NELL1: variants seen among roughly 807,000 people sequenced by gnomAD.
The protein encoded by NELL1 is neural EGFL like 1.
Under a neutral mutation model 107.4 loss-of-function variants are expected in NELL1, and 76 were observed. The observed-to-expected ratio is 0.71, with a 90% CI of 0.59 to 0.86. The LOEUF (loss-of-function observed/expected upper bound fraction) is 0.86. Among genes scored for constraint, NELL1 ranks in the 40% least tolerant of loss-of-function variants. NELL1 has a pLI of 0.00. For missense variants in NELL1, 1,024 were observed against 1,005.5 expected (o/e 1.02, Z -0.25); for synonymous variants, 353 against 341.2 (o/e 1.03, Z -0.38).
intron 13 of NELL1, among the ~76,000 whole-genome samples, chr11:21,160,942 G>T (rs1311327508): frequency 6.7e-6 from 1 of 149,162 alleles, no homozygotes; most frequent in African/African-American, 2.5e-5. Flanking sequence ...ATTTAAACAT[G>T]TAGAGTTCTT....
At chr11:21,490,158 G>C (rs1373646712) in intron 15 of NELL1, among the ~76,000 whole-genome samples, 2 of 151,862 alleles carry the variant, frequency 1.3e-5, no homozygotes, top group East Asian at 3.9e-4. Context: ...TGAACTAGCA[G>C]AGGAAAAAAA....
At chr11:21,051,682 G>A (rs906676858) in intron 12 of NELL1, among the ~76,000 whole-genome samples, 5 of 152,062 alleles carry the variant, frequency 3.3e-5, no homozygotes, top group Non-Finnish European at 7.4e-5. Flanking sequence ...TAGGAGTGGT[G>A]GGGGATAAGG....
At chr11:20,703,069 G>C (rs562435653) in intron 2 of NELL1, among the ~76,000 whole-genome samples, 64 of 152,308 alleles carry the variant, frequency 4.2e-4, no homozygotes, top group African/African-American at 6.3e-4. Flanking sequence ...AATAGTTTCA[G>C]AAGGAATGGT....
chr11:21,440,758 A>G (rs1853262751), intron 15 of NELL1, among the ~76,000 whole-genome samples: 1 of 152,140 alleles, frequency 6.6e-6, no homozygotes, highest in African/African-American at 2.4e-5. Context: ...CACATAGTCA[A>G]GGAGAATGGG....
In NELL1 at chr11:21,533,168, A is replaced by C. The variant is rs76850401; in HGVS notation, c.1646-1206A>C. ...GAGTTGGAGTTGCACAGTATGAGGA[A>C]CTACACCTTTTCTCTCTTTACTTGG... On this transcript the variant is annotated intron_variant, in intron 15 of 19. Transcript: ENST00000357134. Among the ~76,000 whole-genome samples the C allele has an allele frequency of 6.4e-3, 977 of 152,174 alleles. 16 individuals are homozygous for C. Among genetic ancestry groups the C allele is most frequent in the African/African-American group, 0.022 (914 of 41,526 alleles).
intron 14 of NELL1, among the ~76,000 whole-genome samples, chr11:21,313,197 T>C (rs1849788507): frequency 6.6e-6 from 1 of 152,176 alleles, no homozygotes; most frequent in South Asian, 2.1e-4. Flanking sequence ...ATGAGAAAGA[T>C]AGAAGAGCTT....
At chr11:21,280,832 A>C (rs1848974800) in intron 14 of NELL1, among the ~76,000 whole-genome samples, 1 of 152,174 alleles carries the variant, frequency 6.6e-6, no homozygotes, top group African/African-American at 2.4e-5. Context: ...TTAAGTTAAT[A>C]ATAAACATTA....
At chr11:20,698,309 T>C (rs1416658720) in intron 2 of NELL1, among the ~76,000 whole-genome samples, 2 of 152,134 alleles carry the variant, frequency 1.3e-5, no homozygotes, top group African/African-American at 2.4e-5. Context: ...GTAGAGCAAA[T>C]AAACTGTGTT....
At chr11:21,257,698 G>T (rs963394993) in intron 14 of NELL1, among the ~76,000 whole-genome samples, 8 of 152,088 alleles carry the variant, frequency 5.3e-5, no homozygotes, top group Admixed American at 4.6e-4. Context: ...TCTTTGTCAA[G>T]AATGTTGCTT....
At chr11:20,960,347 A>C (rs1454721371) in intron 11 of NELL1, 85 bp from the exon 12 acceptor site, 16 of 1,350,496 alleles carry the variant, frequency 1.2e-5, no homozygotes, top group Non-Finnish European at 1.7e-5. Flanking sequence ...ATAGTGACAT[A>C]TAATAAAAAA....
At chr11:21,556,249 C>T (rs1012609415) in intron 16 of NELL1, among the ~76,000 whole-genome samples, 7 of 151,864 alleles carry the variant, frequency 4.6e-5, no homozygotes, top group Admixed American at 1.3e-4. Context: ...TATATTCAAA[C>T]GCTGGGTAAA....
At chr11:20,999,049 C>T (rs1423557896) in intron 12 of NELL1, among the ~76,000 whole-genome samples, 1 of 152,176 alleles carries the variant, frequency 6.6e-6, no homozygotes, top group Non-Finnish European at 1.5e-5. Context: ...AAAAAAGACT[C>T]ATAGAGTCCA....
At chr11:20,973,101 C>CTTTTTTTTTTT (rs761894107) in intron 12 of NELL1, among the ~76,000 whole-genome samples, 12 of 92,494 alleles carry the variant, frequency 1.3e-4, no homozygotes, top group South Asian at 3.9e-4. Context: ...ATCTTCATTA[C>CTTTTTTTTTTT]TTTTTTTTTT....
intron 2 of NELL1, among the ~76,000 whole-genome samples, chr11:20,705,123 A>G (rs1312002645): frequency 6.6e-6 from 1 of 152,210 alleles, no homozygotes; most frequent in African/African-American, 2.4e-5. Context: ...ATCCCCATCA[A>G]GCTACCAATG....
intron 16 of NELL1, among the ~76,000 whole-genome samples, chr11:21,547,086 C>T (rs956308519): frequency 2.0e-5 from 3 of 151,734 alleles, no homozygotes; most frequent in Non-Finnish European, 4.4e-5. Flanking sequence ...TATTGTGGAC[C>T]AGCTACATTA....
intron 14 of NELL1, among the ~76,000 whole-genome samples, chr11:21,337,780 CTTT>C (rs1565175353): frequency 4.3e-5 from 6 of 139,998 alleles, no homozygotes; most frequent in South Asian, 2.4e-4. Flanking sequence ...TTCTTTCTTT[CTTT>C]CTTTCTTTCT....
chr11:21,186,174 A>G (rs1856931402), intron 13 of NELL1, among the ~76,000 whole-genome samples: 1 of 151,894 alleles, frequency 6.6e-6, no homozygotes, highest in Admixed American at 6.5e-5. Flanking sequence ...AGGTCATGTG[A>G]CTTCTCCATT....
chr11:21,573,609 C>G (rs533999106), intron 19 of NELL1, among the ~76,000 whole-genome samples, 200 bp downstream of exon 19: 1 of 151,924 alleles, frequency 6.6e-6, no homozygotes, highest in East Asian at 2.0e-4. Context: ...TCCAAATGAG[C>G]ATGAAATAAA....
chr11:21,238,601 G>A (rs1386206752), intron 14 of NELL1, among the ~76,000 whole-genome samples: 1 of 151,950 alleles, frequency 6.6e-6, no homozygotes, highest in Non-Finnish European at 1.5e-5. Context: ...GGAGGAAAGG[G>A]AAGTAGTCTT....
Sources: allele counts gnomAD v4.1 joint callset (sites outside exome capture counted in the v4.1 genomes callset), GRCh38; gene constraint gnomAD v4.1.1; transcripts MANE v1.5; gene names NCBI Gene and HGNC (gene_info 2026-07-23, HGNC 2026-07-21).